The following COG5 variants were observed in gnomAD, a reference collection of about 807,000 sequenced individuals.
COG5 encodes component of oligomeric golgi complex 5.
In COG5, 86 loss-of-function variants were observed where a neutral mutation model predicts 110.4. The ratio of observed to expected loss-of-function variants is 0.78; its 90% CI spans 0.65 to 0.93. The LOEUF (loss-of-function observed/expected upper bound fraction) is 0.93, where lower values mean the gene tolerates loss of function less well. Ranked by LOEUF, COG5 falls within the 40% of genes least tolerant of loss-of-function variation. The probability of loss-of-function intolerance (pLI) is 0.00; values close to 1 mark genes in which losing one functional copy is unlikely to be tolerated. For synonymous variants in COG5, 360 were observed against 334.6 expected (o/e 1.08, Z -0.83); for missense variants, 1,077 against 987.0 (o/e 1.09, Z -1.22).
chr7:107,371,853 T>A (rs1814198473), intron 8 of COG5, among the ~76,000 whole-genome samples: 1 of 152,186 alleles, frequency 6.6e-6, no homozygotes, highest in Non-Finnish European at 1.5e-5. Context: ...GAGTGCTTGG[T>A]CTTTGCTGGG....
At chr7:107,527,160 A>T (rs1013455894) in intron 6 of COG5, 77 bp downstream of exon 6, 1 of 1,359,218 alleles carries the variant, frequency 7.4e-7, no homozygotes, top group African/African-American at 1.5e-5. Flanking sequence ...TGGTGATAAC[A>T]AAAGTCAACC....
intron 3 of COG5, among the ~76,000 whole-genome samples, chr7:107,550,840 G>C (rs2129174943): frequency 6.6e-6 from 1 of 151,010 alleles, no homozygotes; most frequent in East Asian, 1.9e-4. Context: ...CAAGTAGCTG[G>C]GGTTACAAGC....
At chr7:107,532,174 A>T (rs1801261508) in intron 5 of COG5, among the ~76,000 whole-genome samples, 1 of 152,160 alleles carries the variant, frequency 6.6e-6, no homozygotes, top group Non-Finnish European at 1.5e-5. Flanking sequence ...CTCCTGCCTC[A>T]GCCACCTGAG....
intron 17 of COG5, 124 bp downstream of exon 17, chr7:107,248,272 T>C: frequency 1.4e-6 from 1 of 721,428 alleles, no homozygotes; most frequent in Non-Finnish European, 2.5e-6. Context: ...GGCTGAAAAC[T>C]AATGCCATCA....
Position 107,362,006 on chromosome 7 carries a change from T to C in COG5, c.1026+27A>G, listed in dbSNP as rs367973963. On this transcript the variant is annotated intron_variant, in intron 10 of 21. Coordinates refer to ENST00000297135, the MANE Select transcript of COG5 (RefSeq NM_006348.5). ...ATATTCCTGTTTTGTACAAGAAAGA[T>C]GTAAAAATATTTTCCTTTAAACATA... 1.4e-5 allele frequency: 20 copies of C among 1,446,422 alleles called. No homozygotes were observed. In the African/African-American group the frequency reaches 2.2e-4, roughly 16 times the overall value. 89.6% of individuals were successfully genotyped at this position (1,446,422 alleles called of 1,614,324 possible).
intron 7 of COG5, among the ~76,000 whole-genome samples, chr7:107,401,938 A>G (rs1563012404): frequency 6.6e-6 from 1 of 152,232 alleles, no homozygotes; most frequent in Non-Finnish European, 1.5e-5. Context: ...GAAGCTTAAG[A>G]TAATGCTTAA....
chr7:107,245,150 A>T (rs1186666987), intron 17 of COG5, among the ~76,000 whole-genome samples: 1 of 152,266 alleles, frequency 6.6e-6, no homozygotes, highest in South Asian at 2.1e-4. Flanking sequence ...AAGGCTTCTG[A>T]TAAAATTTAA....
At chr7:107,265,729 A>T (rs1003976948) in intron 14 of COG5, among the ~76,000 whole-genome samples, 6 of 152,166 alleles carry the variant, frequency 3.9e-5, no homozygotes, top group East Asian at 3.8e-4. Flanking sequence ...ATGTGCTCAC[A>T]ATTAAATTAT....
chr7:107,261,696 G>A (rs574964953), intron 14 of COG5, among the ~76,000 whole-genome samples: 103 of 152,056 alleles, frequency 6.8e-4, no homozygotes, highest in African/African-American at 2.5e-3. Flanking sequence ...CAATCTTACT[G>A]TTTACTCCAA....
chr7:107,251,602 C>T (rs895195546), intron 16 of COG5, among the ~76,000 whole-genome samples: 1 of 152,010 alleles, frequency 6.6e-6, no homozygotes, highest in Non-Finnish European at 1.5e-5. Context: ...ATTTTAAGAA[C>T]ACATTTCTAA....
intron 6 of COG5, chr7:107,475,530 T>G: frequency 2.0e-6 from 1 of 492,542 alleles, no homozygotes; most frequent in Non-Finnish European, 3.7e-6. Flanking sequence ...ATTTCTTCAT[T>G]ACTTAATGTA....
At chr7:107,508,011 G>A (rs919025517) in intron 6 of COG5, among the ~76,000 whole-genome samples, 2 of 152,218 alleles carry the variant, frequency 1.3e-5, no homozygotes, top group Admixed American at 6.5e-5. Flanking sequence ...CATCTCACTA[G>A]AGAGTGCCAG....
At chr7:107,326,362 A>C (rs986226296) in intron 10 of COG5, among the ~76,000 whole-genome samples, 1 of 152,186 alleles carries the variant, frequency 6.6e-6, no homozygotes, top group Non-Finnish European at 1.5e-5. Context: ...AAGAAGTAAA[A>C]TTATATCTGT....
chr7:107,500,292 G>A (rs886770902), intron 6 of COG5, among the ~76,000 whole-genome samples: 18 of 152,150 alleles, frequency 1.2e-4, no homozygotes, highest in African/African-American at 2.7e-4. Flanking sequence ...CTCAAGAAGC[G>A]ACTCTGGATA....
At position 107,251,160 on chromosome 7, in the gene COG5, T is replaced by C. The variant is rs1026515586; in HGVS notation, c.1750-2661A>G. Among the ~76,000 whole-genome samples the C allele has an allele frequency of 7.5e-5, 10 of 133,754 alleles. No individual in the cohort carries two copies. The South Asian group carries it at 9.4e-4, about 13-fold the overall frequency. 87.7% of individuals were successfully genotyped at this position (133,754 alleles called of 152,430 possible). A position where few individuals can be genotyped will look rare whatever the true frequency, so the allele number is the denominator to read the frequency against. On this transcript the variant is annotated intron_variant, in intron 16 of 21. Transcript: ENST00000297135. ...AAAAAAAAAAAAAAAAAAGATTACA[T>C]ACAAGGGAACTAATTTTAATAAGTA...
At chr7:107,346,478 A>T (rs903908575) in intron 10 of COG5, among the ~76,000 whole-genome samples, 1 of 152,186 alleles carries the variant, frequency 6.6e-6, no homozygotes, top group Admixed American at 6.5e-5. Context: ...AATTTTGTAA[A>T]ACATTCACTT....
intron 11 of COG5, among the ~76,000 whole-genome samples, chr7:107,314,514 C>T (rs954089807): frequency 4.8e-5 from 7 of 144,400 alleles, no homozygotes; most frequent in East Asian, 2.1e-4. Context: ...GAGGCCGAGG[C>T]GGGCAGATCA....
chr7:107,461,394 A>G lies in COG5; in HGVS notation c.539-48762T>C, dbSNP rs575703979. Reference sequence around the variant, plus strand: ...AAATAATGTAATATGCATTCCTGATAAAAATTCTCAACAAAGAAGGAAACT... The same window carrying G: ...AAATAATGTAATATGCATTCCTGATGAAAATTCTCAACAAAGAAGGAAACT... On this transcript the variant is annotated intron_variant, in intron 6 of 21. Transcript: ENST00000297135. 5.9e-5 allele frequency among the ~76,000 whole-genome samples: 9 copies of G among 152,308 alleles called. No homozygotes were observed. In the South Asian group the frequency reaches 1.9e-3, roughly 32 times the overall value.
chr7:107,201,465 C>T lies in COG5; in HGVS notation c.*2051G>A, dbSNP rs906880981. 2.2e-6 allele frequency: 3 copies of T among 1,394,374 alleles called. No individual in the cohort carries two copies. The African/African-American group carries it at 4.3e-5, about 20-fold the overall frequency. 86.4% of individuals were successfully genotyped at this position (1,394,374 alleles called of 1,614,324 possible). A position where few individuals can be genotyped will look rare whatever the true frequency, so the allele number is the denominator to read the frequency against. On this transcript the variant is annotated 3_prime_UTR_variant, in exon 22 of 22. Transcript: ENST00000297135. ...GCTTATGTTCTTAAGTCTATATTTG[C>T]ATATACATTGACTCTTGATGGAAAG...
Sources: allele counts gnomAD v4.1 joint callset (sites outside exome capture counted in the v4.1 genomes callset), GRCh38; gene constraint gnomAD v4.1.1; transcripts MANE v1.5; gene names NCBI Gene and HGNC (gene_info 2026-07-23, HGNC 2026-07-21).